The following SLC44A5 variants were observed in gnomAD, a reference collection of about 807,000 sequenced individuals.
The protein encoded by SLC44A5 is choline transporter-like protein 5.
SLC44A5 carries 57 observed loss-of-function variants against 101.8 expected under a neutral mutation model. The ratio of observed to expected loss-of-function variants is 0.56; its 90% CI spans 0.45 to 0.70. The LOEUF (loss-of-function observed/expected upper bound fraction) is 0.70. Ranked by LOEUF, SLC44A5 falls within the 30% of genes least tolerant of loss-of-function variation. The pLI, the probability that SLC44A5 is intolerant of heterozygous loss-of-function variation, is 0.00. For synonymous variants in SLC44A5, 281 were observed against 290.9 expected, an observed-to-expected ratio of 0.97 and a Z score of 0.35; for missense variants, 737 against 853.1, an observed-to-expected ratio of 0.86 and a Z score of 1.70.
chr1:75,223,770 T>G (rs1299216182), intron 13 of SLC44A5, among the ~76,000 whole-genome samples: 6 of 152,192 alleles, frequency 3.9e-5, no homozygotes, highest in Non-Finnish European at 5.9e-5. Flanking sequence ...ACGAAGATCT[T>G]AGTAATGTAT....
chr1:75,255,883 A>G (rs1649978563), intron 6 of SLC44A5, among the ~76,000 whole-genome samples: 1 of 152,078 alleles, frequency 6.6e-6, no homozygotes, highest in Non-Finnish European at 1.5e-5. Flanking sequence ...TTGTTTTTCA[A>G]TCTACACTTC....
the SLC44A5 span, among the ~76,000 whole-genome samples, chr1:75,696,686 G>C: frequency 6.6e-6 from 1 of 152,046 alleles, no homozygotes; most frequent in African/African-American, 2.4e-5. Flanking sequence ...ACGAGGTCAG[G>C]AGATCGAGAC....
intron 2 of SLC44A5, among the ~76,000 whole-genome samples, chr1:75,437,323 T>A (rs1445957366): frequency 1.3e-5 from 2 of 152,048 alleles, no homozygotes; most frequent in African/African-American, 2.4e-5. Flanking sequence ...TATCACTAGG[T>A]GATAGGAATT....
intron 3 of SLC44A5, among the ~76,000 whole-genome samples, chr1:75,388,832 G>A (rs1438789970): frequency 6.7e-6 from 1 of 150,268 alleles, no homozygotes; most frequent in East Asian, 1.9e-4. Flanking sequence ...TTGAATATAA[G>A]TGGCCTAAAC....
intron 2 of SLC44A5, among the ~76,000 whole-genome samples, chr1:75,423,377 G>A (rs956729457): frequency 7.2e-5 from 11 of 152,178 alleles, no homozygotes; most frequent in South Asian, 6.2e-4. Flanking sequence ...CAACTCAGCT[G>A]TAGCCAACAG....
the SLC44A5 span, among the ~76,000 whole-genome samples, chr1:75,657,520 C>G: frequency 1.3e-5 from 2 of 149,968 alleles, no homozygotes; most frequent in South Asian, 2.1e-4. Context: ...TGCACTCCAG[C>G]CTGAGTGACT....
chr1:75,304,180 T>C (rs928638943), intron 4 of SLC44A5, among the ~76,000 whole-genome samples: 1 of 152,080 alleles, frequency 6.6e-6, no homozygotes, highest in African/African-American at 2.4e-5. Context: ...CCAGAGAAGG[T>C]GGTTGAACAA....
chr1:75,252,548 C>G (rs1649668200), intron 6 of SLC44A5, among the ~76,000 whole-genome samples: 1 of 152,172 alleles, frequency 6.6e-6, no homozygotes, highest in Non-Finnish European at 1.5e-5. Flanking sequence ...ACAATCCTCA[C>G]TGAGGAGAGG....
chr1:75,247,878 TTAGA>T (rs1649250712), intron 7 of SLC44A5, among the ~76,000 whole-genome samples: 1 of 151,738 alleles, frequency 6.6e-6, no homozygotes, highest in Non-Finnish European at 1.5e-5. Flanking sequence ...AGGAAAGGAT[TTAGA>T]TAGATAAATG....
intron 2 of SLC44A5, among the ~76,000 whole-genome samples, chr1:75,474,202 A>C (rs1667264524): frequency 6.6e-6 from 1 of 152,202 alleles, no homozygotes; most frequent in Non-Finnish European, 1.5e-5. Context: ...AACTTCTAAG[A>C]ATATTTAGAT....
intron 2 of SLC44A5, among the ~76,000 whole-genome samples, chr1:75,536,213 C>A (rs1352103760): frequency 6.6e-6 from 1 of 152,144 alleles, no homozygotes; most frequent in African/African-American, 2.4e-5. Context: ...CTCAGTCTAA[C>A]TTTTCTCTTT....
chr1:75,423,588 G>A (rs541689816), intron 2 of SLC44A5, among the ~76,000 whole-genome samples: 57 of 152,332 alleles, frequency 3.7e-4, no homozygotes, highest in African/African-American at 1.3e-3. Context: ...TTCTATTAAA[G>A]ATTGGAGAAG....
At chr1:75,606,432 G>A (rs75431441) in intron 1 of SLC44A5, among the ~76,000 whole-genome samples, 1 of 151,890 alleles carries the variant, frequency 6.6e-6, no homozygotes, top group African/African-American at 2.4e-5. Context: ...TAAAAGAGAG[G>A]TTAAAACCCA....
At chr1:75,461,012 T>C (rs1192086657) in intron 2 of SLC44A5, among the ~76,000 whole-genome samples, 1 of 151,494 alleles carries the variant, frequency 6.6e-6, no homozygotes, top group African/African-American at 2.4e-5. Flanking sequence ...ATCACCATAA[T>C]ATTAATGATA....
chr1:75,269,717 T>C (rs921235364), intron 6 of SLC44A5, among the ~76,000 whole-genome samples: 2 of 152,190 alleles, frequency 1.3e-5, no homozygotes, highest in Non-Finnish European at 2.9e-5. Flanking sequence ...ATATTTTTAA[T>C]AGGATTTCTT....
intron 2 of SLC44A5, among the ~76,000 whole-genome samples, chr1:75,476,745 A>C (rs1667433419): frequency 6.6e-6 from 1 of 152,368 alleles, no homozygotes; most frequent in African/African-American, 2.4e-5. Context: ...ACAAAGCAGC[A>C]GGGAAGCTCG....
intron 23 of SLC44A5, 37 bp from the exon 24 acceptor site, chr1:75,203,870 A>T: frequency 3.3e-6 from 5 of 1,512,882 alleles, no homozygotes; most frequent in Non-Finnish European, 4.4e-6. Context: ...ATATCAAAGC[A>T]GAACTGTAAG....
chr1:75,675,421 G>T, the SLC44A5 span, among the ~76,000 whole-genome samples: 1 of 152,022 alleles, frequency 6.6e-6, no homozygotes, highest in Non-Finnish European at 1.5e-5. Context: ...CTCATCTGTT[G>T]TTGGTATATA....
At chr1:75,321,054 T>G (rs997167192) in intron 4 of SLC44A5, among the ~76,000 whole-genome samples, 5 of 152,162 alleles carry the variant, frequency 3.3e-5, no homozygotes, top group Non-Finnish European at 7.4e-5. Flanking sequence ...TACACTTTAG[T>G]ATCATAATAT....
Sources: gnomAD v4.1 joint callset for allele counts (sites outside exome capture counted in the v4.1 genomes callset) on GRCh38, gnomAD v4.1.1 for gene constraint, MANE v1.5 for transcripts, NCBI Gene and HGNC (gene_info 2026-07-23, HGNC 2026-07-21) for gene names.